RCAN1: variants seen among roughly 807,000 people sequenced by gnomAD.
RCAN1 encodes regulator of calcineurin 1, also known as calcipressin-1.
Under a neutral mutation model 22.9 loss-of-function variants are expected in RCAN1, and 11 were observed. The ratio of observed to expected loss-of-function variants is 0.48; its 90% CI spans 0.30 to 0.79. RCAN1 has a LOEUF of 0.79. Ranked by LOEUF, RCAN1 falls within the 30% of genes least tolerant of loss-of-function variation. The probability of loss-of-function intolerance (pLI) is 0.06; values close to 1 mark genes in which losing one functional copy is unlikely to be tolerated. For synonymous variants in RCAN1, 136 were observed against 142.3 expected, an observed-to-expected ratio of 0.96 and a Z score of 0.32; for missense variants, 291 against 337.8, an observed-to-expected ratio of 0.86 and a Z score of 1.09.
intron 1 of RCAN1, among the ~76,000 whole-genome samples, chr21:34,613,307 C>A (rs887662054): frequency 2.6e-5 from 4 of 152,178 alleles, no homozygotes; most frequent in Non-Finnish European, 5.9e-5. Context: ...TTTGATATTT[C>A]TTTATTGCTT....
At chr21:34,556,612 TACTA>T (rs1361424530) in intron 1 of RCAN1, among the ~76,000 whole-genome samples, 1 of 152,182 alleles carries the variant, frequency 6.6e-6, no homozygotes, top group Non-Finnish European at 1.5e-5. Flanking sequence ...ACTCTGATGA[TACTA>T]AAAATATACA....
intron 1 of RCAN1, among the ~76,000 whole-genome samples, chr21:34,541,201 G>A (rs1429032855): frequency 6.6e-6 from 1 of 152,152 alleles, no homozygotes; most frequent in Admixed American, 6.5e-5. Flanking sequence ...GAAGTGGAGC[G>A]TAGCAATCAG....
chr21:34,573,145 T>C (rs570339968), intron 1 of RCAN1, among the ~76,000 whole-genome samples: 10 of 152,352 alleles, frequency 6.6e-5, no homozygotes, highest in African/African-American at 2.4e-4. Flanking sequence ...ACAACAGTGA[T>C]CAAAGGATGC....
At chr21:34,552,301 A>T (rs949689969) in intron 1 of RCAN1, among the ~76,000 whole-genome samples, 1 of 152,226 alleles carries the variant, frequency 6.6e-6, no homozygotes, top group East Asian at 1.9e-4. Context: ...CTCAAGGAGA[A>T]TTTTCATTTT....
At position 34,614,461 on chromosome 21, in the gene RCAN1, C is replaced by A; in HGVS notation, c.252+299G>T. ...AGCGCAGGGGGCGGCGGCGCTGCCC[C>A]ACCTTGGGGAGCGAATTCACCCCCC... On this transcript the variant is annotated intron_variant, in intron 1 of 3. Coordinates refer to ENST00000313806, the MANE Select transcript of RCAN1 (RefSeq NM_004414.7). This position sits in a 1 kb window ranked among gnomAD's most constrained non-coding sequence, Gnocchi z 6.0. 1 of 1,019,696 alleles carries A rather than the reference C, an allele frequency of 9.8e-7. No individual in the cohort carries two copies. Among genetic ancestry groups the A allele is most frequent in the Non-Finnish European group, 1.2e-6 (1 of 853,030 alleles). The allele number at this position is 1,019,696 out of a possible 1,614,324, so 63.2% of individuals were successfully genotyped here. A position where few individuals can be genotyped will look rare whatever the true frequency, so the allele number is the denominator to read the frequency against.
At chr21:34,608,960 T>TG (rs1251379499) in intron 1 of RCAN1, among the ~76,000 whole-genome samples, 1 of 152,194 alleles carries the variant, frequency 6.6e-6, no homozygotes, top group African/African-American at 2.4e-5. Context: ...TAGACTTCAC[T>TG]GGGGAATGTG....
intron 1 of RCAN1, among the ~76,000 whole-genome samples, chr21:34,604,392 A>T (rs1256744063): frequency 2.0e-5 from 3 of 152,100 alleles, no homozygotes; most frequent in African/African-American, 7.2e-5. Context: ...TCAGCCTCCC[A>T]AAGTGCTGAA....
chr21:34,580,357 C>G (rs912581687), intron 1 of RCAN1, among the ~76,000 whole-genome samples: 86 of 152,198 alleles, frequency 5.7e-4, no homozygotes, highest in African/African-American at 1.9e-3. Flanking sequence ...TGTGTCCTTC[C>G]ACCTTCCTGA....
intron 1 of RCAN1, among the ~76,000 whole-genome samples, chr21:34,590,602 C>CCAG (rs1216804306): frequency 6.6e-6 from 1 of 152,188 alleles, no homozygotes; most frequent in Non-Finnish European, 1.5e-5. Context: ...TCCTCCCATC[C>CCAG]CAGCACCTGC....
chr21:34,545,277 C>T (rs1333176940), intron 1 of RCAN1, among the ~76,000 whole-genome samples: 3 of 152,202 alleles, frequency 2.0e-5, no homozygotes, highest in African/African-American at 7.2e-5. Flanking sequence ...ATTTGCTGGC[C>T]CTTGTCACCC....
intron 1 of RCAN1, among the ~76,000 whole-genome samples, chr21:34,589,716 A>G (rs1331186056): frequency 7.1e-6 from 1 of 141,738 alleles, no homozygotes; most frequent in Non-Finnish European, 1.6e-5. Flanking sequence ...AAAAGGGGGG[A>G]GTCTGCCCCC....
chr21:34,563,800 G>T lies in RCAN1; in HGVS notation c.253-40090C>A, dbSNP rs866364275. On this transcript the variant is annotated intron_variant, in intron 1 of 3. Transcript: ENST00000313806. The stretch of plus-strand genomic sequence containing the variant: ...ATATATATATATATATATATAGAGA[G>T]AGAGAGAGAGAGAGAGAGAGGCAGG... 3.5e-3 allele frequency among the ~76,000 whole-genome samples: 457 copies of T among 130,712 alleles called. 4 individuals carry two copies. The highest frequency in any genetic ancestry group is 0.019 in the Admixed American group (243 of 12,624). The allele number at this position is 130,712 out of a possible 152,430, so 85.8% of individuals were successfully genotyped here.
chr21:34,583,131 CT>C (rs1987675121), intron 1 of RCAN1, among the ~76,000 whole-genome samples: 2 of 151,802 alleles, frequency 1.3e-5, no homozygotes, highest in African/African-American at 4.8e-5. Flanking sequence ...TGTTGAAGCC[CT>C]AACCATCAGT....
chr21:34,574,770 C>T (rs889485445), intron 1 of RCAN1, among the ~76,000 whole-genome samples: 4 of 152,216 alleles, frequency 2.6e-5, no homozygotes, highest in African/African-American at 9.7e-5. Context: ...TCTGCTTCCG[C>T]GGCTGAGCAC....
intron 1 of RCAN1, among the ~76,000 whole-genome samples, chr21:34,571,498 G>T (rs954971497): frequency 2.0e-5 from 3 of 152,156 alleles, no homozygotes; most frequent in Non-Finnish European, 4.4e-5. Context: ...TAATTAAAGA[G>T]AGCAAATTTC....
At chr21:34,562,116 G>A (rs1986813733) in intron 1 of RCAN1, among the ~76,000 whole-genome samples, 1 of 152,170 alleles carries the variant, frequency 6.6e-6, no homozygotes, top group African/African-American at 2.4e-5. Flanking sequence ...AAGAAAATCT[G>A]ACTGAATGCT....
At chr21:34,571,103 G>A (rs1011303799) in intron 1 of RCAN1, among the ~76,000 whole-genome samples, 1 of 152,086 alleles carries the variant, frequency 6.6e-6, no homozygotes, top group Non-Finnish European at 1.5e-5. Context: ...AGACCAGCCT[G>A]ACCAACATGG....
intron 1 of RCAN1, among the ~76,000 whole-genome samples, chr21:34,580,743 T>C (rs1987576804): frequency 1.3e-5 from 2 of 152,176 alleles, no homozygotes; most frequent in South Asian, 4.1e-4. Flanking sequence ...CCCCACTCTA[T>C]AGATGAAGGA....
At chr21:34,570,663 C>G (rs1987204241) in intron 1 of RCAN1, among the ~76,000 whole-genome samples, 1 of 145,898 alleles carries the variant, frequency 6.9e-6, no homozygotes, top group African/African-American at 2.5e-5. Context: ...TTTTGGAACA[C>G]TCAAAACCAA....
Sources: allele counts gnomAD v4.1 joint callset (sites outside exome capture counted in the v4.1 genomes callset), GRCh38; gene constraint gnomAD v4.1.1; non-coding constraint Gnocchi (gnomAD v3.1); transcripts MANE v1.5; gene names NCBI Gene and HGNC (gene_info 2026-07-23, HGNC 2026-07-21).